The following BMP7 variants were observed in gnomAD, a reference collection of about 807,000 sequenced individuals.
BMP7 encodes bone morphogenetic protein 7, also known as osteogenic protein 1.
A neutral mutation model predicts 41.2 loss-of-function variants in BMP7; 12 were observed. The observed-to-expected ratio is 0.29, with a 90% CI of 0.19 to 0.47. The LOEUF (loss-of-function observed/expected upper bound fraction) is 0.47. BMP7 is among the 20% of genes least tolerant of loss of function. The probability of loss-of-function intolerance (pLI) is 0.99; values close to 1 mark genes in which losing one functional copy is unlikely to be tolerated. For missense variants in BMP7, 467 were observed against 606.0 expected (o/e 0.77, Z 2.41); for synonymous variants, 248 against 250.0 (o/e 0.99, Z 0.07).
intron 1 of BMP7, among the ~76,000 whole-genome samples, chr20:57,262,687 C>T (rs1026889454): frequency 6.6e-5 from 10 of 152,130 alleles, no homozygotes; most frequent in African/African-American, 1.2e-4. Context: ...CAGTGCAGGG[C>T]GAAGGGGCAG....
chr20:57,176,771 C>CACAG (rs1010859445), intron 4 of BMP7, among the ~76,000 whole-genome samples: 9 of 151,524 alleles, frequency 5.9e-5, no homozygotes, highest in African/African-American at 1.9e-4. Context: ...CACACACACA[C>CACAG]ACACACACAC....
At chr20:57,212,936 CA>C (rs1453317350) in intron 2 of BMP7, among the ~76,000 whole-genome samples, 1 of 152,262 alleles carries the variant, frequency 6.6e-6, no homozygotes, top group African/African-American at 2.4e-5. Flanking sequence ...AATCATAGAA[CA>C]GTCCCTGGCA....
chr20:57,257,077 G>A (rs1176520642), intron 1 of BMP7, among the ~76,000 whole-genome samples: 1 of 152,108 alleles, frequency 6.6e-6, no homozygotes, highest in African/African-American at 2.4e-5. Flanking sequence ...GAGGACCTCA[G>A]CCTCTCCCAG....
rs1367592951 is a variant in BMP7, at chr20:57,261,246, G to A, written c.418+4459C>T. Among the ~76,000 whole-genome samples, 3 of 152,098 alleles carry A rather than the reference G, an allele frequency of 2.0e-5. No homozygotes were observed. Among genetic ancestry groups the A allele is most frequent in the African/African-American group, 7.2e-5 (3 of 41,412 alleles). ...AAAGCCCCAAACCGTAGCTTGAGAG[G>A]GCTGCATCTCAAAAGCGGTTTCGTC... On this transcript the variant is annotated intron_variant, in intron 1 of 6. Transcript: ENST00000395863. The surrounding 1 kb of genome is among the most constrained non-coding windows in gnomAD (Gnocchi z 4.1).
rs1391263654 is a variant in BMP7, at chr20:57,228,968, A to G, written c.419-547T>C. ...AACCTTACTGTGCCTAGTATGAGAC[A>G]TCTCTAGGACCAGGGGTTCTCAGCC... On this transcript the variant is annotated intron_variant, in intron 1 of 6. Transcript: ENST00000395863. The surrounding 1 kb of genome is among the most constrained non-coding windows in gnomAD (Gnocchi z 4.5). Among the ~76,000 whole-genome samples the G allele has an allele frequency of 2.0e-5, 3 of 152,226 alleles. No homozygotes were observed. Among genetic ancestry groups the G allele is most frequent in the African/African-American group, 7.2e-5 (3 of 41,456 alleles).
intron 1 of BMP7, among the ~76,000 whole-genome samples, chr20:57,254,140 A>G (rs2066124964): frequency 6.9e-6 from 1 of 144,218 alleles, no homozygotes; most frequent in Admixed American, 7.5e-5. Context: ...CTCTTGCCTC[A>G]GCCTCCCAAG....
chr20:57,232,706 C>A (rs1387820319), intron 1 of BMP7, among the ~76,000 whole-genome samples: 1 of 152,158 alleles, frequency 6.6e-6, no homozygotes, highest in Non-Finnish European at 1.5e-5. Context: ...TTTGGTATGG[C>A]TTTCTGAGAG....
chr20:57,183,257 GTGTA>G (rs1199191764), intron 4 of BMP7, among the ~76,000 whole-genome samples: 1 of 151,984 alleles, frequency 6.6e-6, no homozygotes, highest in Non-Finnish European at 1.5e-5. Context: ...ATGTGTGTGT[GTGTA>G]TATATATATA....
At chr20:57,201,389 C>A (rs1421861757) in intron 3 of BMP7, among the ~76,000 whole-genome samples, 1 of 152,174 alleles carries the variant, frequency 6.6e-6, no homozygotes, top group African/African-American at 2.4e-5. Flanking sequence ...CTGACAGGAC[C>A]AGTCTCCGAG....
chr20:57,197,581 C>G (rs748358952), intron 3 of BMP7, among the ~76,000 whole-genome samples: 23 of 152,202 alleles, frequency 1.5e-4, no homozygotes, highest in Non-Finnish European at 2.5e-4. Flanking sequence ...GTTCCCCAGC[C>G]TTCTCAGCTT....
intron 2 of BMP7, among the ~76,000 whole-genome samples, chr20:57,209,283 A>ATATATATATATATG (rs1555814067): frequency 7.5e-6 from 1 of 132,714 alleles, no homozygotes; most frequent in East Asian, 2.2e-4. Context: ...ATATATATAT[A>ATATATATATATATG]TATGTATATA....
At chr20:57,203,446 T>C (rs1984667525) in intron 2 of BMP7, among the ~76,000 whole-genome samples, 1 of 151,728 alleles carries the variant, frequency 6.6e-6, no homozygotes, top group African/African-American at 2.4e-5. Context: ...GTTGGATGGA[T>C]AAGTGAATGG....
At chr20:57,258,870 C>G (rs530488110) in intron 1 of BMP7, among the ~76,000 whole-genome samples, 29 of 152,294 alleles carry the variant, frequency 1.9e-4, no homozygotes, top group African/African-American at 7.0e-4. Context: ...AATATACCAA[C>G]GTAAATCTTC....
intron 2 of BMP7, among the ~76,000 whole-genome samples, chr20:57,209,809 C>A (rs1471784006): frequency 6.6e-6 from 1 of 152,206 alleles, no homozygotes; most frequent in Admixed American, 6.5e-5. Flanking sequence ...CTTCCCTTTA[C>A]AAGCTAACAC....
intron 3 of BMP7, among the ~76,000 whole-genome samples, chr20:57,192,306 A>G (rs1441149538): frequency 1.4e-5 from 2 of 139,736 alleles, no homozygotes; most frequent in African/African-American, 5.3e-5. Context: ...TATTATATAT[A>G]AAATATAGAA....
chr20:57,212,208 T>C (rs938501837), intron 2 of BMP7, among the ~76,000 whole-genome samples: 9 of 152,182 alleles, frequency 5.9e-5, no homozygotes, highest in African/African-American at 2.2e-4. Context: ...GAGGACGTTT[T>C]ATAGAAACAT....
chr20:57,195,785 G>A lies in BMP7; in HGVS notation c.760+6690C>T, dbSNP rs541795134. On this transcript the variant is annotated intron_variant, in intron 3 of 6. Coordinates refer to ENST00000395863, the MANE Select transcript of BMP7 (RefSeq NM_001719.3). ...CAATTCAATCTGGAGTGAGCATGAAGTAAGACACGTGCTCTCGTGTGTCAC... is the reference window on the plus strand; with the variant it reads ...CAATTCAATCTGGAGTGAGCATGAAATAAGACACGTGCTCTCGTGTGTCAC... 2.6e-5 allele frequency among the ~76,000 whole-genome samples: 4 copies of A among 152,352 alleles called. No individual in the cohort carries two copies. The East Asian group carries it at 5.8e-4, about 22-fold the overall frequency.
At chr20:57,225,705 A>G (rs1290098491) in intron 2 of BMP7, 2 of 259,468 alleles carry the variant, frequency 7.7e-6, no homozygotes, top group Middle Eastern at 9.4e-4. Context: ...AATAAATAAT[A>G]TATTTTTTAA....
intron 2 of BMP7, among the ~76,000 whole-genome samples, chr20:57,210,296 A>T (rs556499515): frequency 3.3e-4 from 51 of 152,304 alleles, no homozygotes; most frequent in African/African-American, 1.2e-3. Flanking sequence ...ATCGGCTGAA[A>T]TCTAATTCTA....
Sources: allele counts gnomAD v4.1 joint callset (sites outside exome capture counted in the v4.1 genomes callset), GRCh38; gene constraint gnomAD v4.1.1; non-coding constraint Gnocchi (gnomAD v3.1); transcripts MANE v1.5; gene names NCBI Gene and HGNC (gene_info 2026-07-23, HGNC 2026-07-21).